The following CNTN5 variants were observed in gnomAD, a reference collection of about 807,000 sequenced individuals.
CNTN5 encodes contactin-5.
Under a neutral mutation model 129.1 loss-of-function variants are expected in CNTN5, and 77 were observed. The ratio of observed to expected loss-of-function variants is 0.60; its 90% confidence interval spans 0.50 to 0.72. CNTN5 has a LOEUF of 0.72. Ranked by LOEUF, CNTN5 falls within the 30% of genes least tolerant of loss-of-function variation. The pLI is 0.00. For synonymous variants in CNTN5, 509 were observed against 465.6 expected (o/e 1.09, Z -1.20); for missense variants, 1,478 against 1,328.8 (o/e 1.11, Z -1.75).
At chr11:99,140,284 GT>G in intron 1 of CNTN5, among the ~76,000 whole-genome samples, 1 of 152,120 alleles carries the variant, frequency 6.6e-6, no homozygotes. Context: ...TATCTTGGGG[GT>G]TTGGTGTACA....
chr11:99,131,556 G>A (rs1210607232), intron 1 of CNTN5, among the ~76,000 whole-genome samples: 5 of 151,968 alleles, frequency 3.3e-5, no homozygotes, highest in Non-Finnish European at 7.4e-5. Flanking sequence ...GATGAGAAAC[G>A]ATAAGGGAGA....
chr11:99,746,804 A>G (rs1294411417), intron 3 of CNTN5, among the ~76,000 whole-genome samples: 1 of 152,196 alleles, frequency 6.6e-6, no homozygotes, highest in Admixed American at 6.5e-5. Context: ...CTGTGTCGGT[A>G]CCATGATGTT....
chr11:99,754,937 G>A (rs144679152), intron 3 of CNTN5, among the ~76,000 whole-genome samples: 1 of 152,158 alleles, frequency 6.6e-6, no homozygotes, highest in Non-Finnish European at 1.5e-5. Flanking sequence ...CTGCCCCCAA[G>A]CCCTGGCAAT....
At chr11:99,322,798 TA>T (rs1397139040) in intron 1 of CNTN5, among the ~76,000 whole-genome samples, 1 of 152,108 alleles carries the variant, frequency 6.6e-6, no homozygotes, top group Non-Finnish European at 1.5e-5. Flanking sequence ...GTTATGATTG[TA>T]AAAAAGAAAA....
At chr11:100,065,241 T>C (rs190657979) in intron 10 of CNTN5, among the ~76,000 whole-genome samples, 1 of 152,152 alleles carries the variant, frequency 6.6e-6, no homozygotes, top group South Asian at 2.1e-4. Flanking sequence ...TGTTAATCGC[T>C]TCTATCGTCT....
At chr11:99,170,084 TTTTA>T (rs1218959155) in intron 1 of CNTN5, among the ~76,000 whole-genome samples, 1 of 152,148 alleles carries the variant, frequency 6.6e-6, no homozygotes, top group African/African-American at 2.4e-5. Context: ...ATATTTTATA[TTTTA>T]TTTGTTTATT....
intron 23 of CNTN5, among the ~76,000 whole-genome samples, chr11:100,346,611 T>A (rs1440128904): frequency 1.3e-5 from 2 of 152,016 alleles, no homozygotes; most frequent in Non-Finnish European, 2.9e-5. Flanking sequence ...AAACTATTAG[T>A]TTTCAAATCT....
intron 3 of CNTN5, among the ~76,000 whole-genome samples, chr11:99,715,506 G>C (rs1299864960): frequency 6.6e-6 from 1 of 151,606 alleles, no homozygotes; most frequent in South Asian, 2.1e-4. Context: ...TGTTTGCCAG[G>C]GGAATGAGAG....
At chr11:99,030,464 T>C (rs1301083679) in intron 1 of CNTN5, among the ~76,000 whole-genome samples, 3 of 152,208 alleles carry the variant, frequency 2.0e-5, no homozygotes. Flanking sequence ...TTTTATTTGC[T>C]CATTTTGACA....
chr11:99,466,758 T>G (rs916687245), intron 2 of CNTN5, among the ~76,000 whole-genome samples: 1 of 152,126 alleles, frequency 6.6e-6, no homozygotes, highest in Non-Finnish European at 1.5e-5. Context: ...CTTCAGCACA[T>G]CACCTCCAAA....
At chr11:99,551,675 T>C (rs1473308459) in intron 2 of CNTN5, among the ~76,000 whole-genome samples, 2 of 152,154 alleles carry the variant, frequency 1.3e-5, no homozygotes, top group African/African-American at 4.8e-5. Flanking sequence ...GCTACAGATC[T>C]AGCCTGTAAT....
intron 8 of CNTN5, among the ~76,000 whole-genome samples, chr11:99,974,108 A>G (rs1232584641): frequency 6.6e-6 from 1 of 152,358 alleles, no homozygotes; most frequent in Non-Finnish European, 1.5e-5. Flanking sequence ...AATGATTAAC[A>G]TTCTTCCTTT....
chr11:100,034,944 T>C (rs1293095261), intron 9 of CNTN5, among the ~76,000 whole-genome samples: 2 of 152,090 alleles, frequency 1.3e-5, no homozygotes, highest in Non-Finnish European at 2.9e-5. Context: ...GCAACAACCA[T>C]ACAAAACTTC....
intron 18 of CNTN5, among the ~76,000 whole-genome samples, chr11:100,284,744 T>G (rs948822559): frequency 8.5e-5 from 13 of 152,208 alleles, no homozygotes; most frequent in African/African-American, 3.1e-4. Flanking sequence ...CTCTGTAGTA[T>G]AAAATTTCAA....
chr11:99,478,678 T>C (rs1198804753), intron 2 of CNTN5, among the ~76,000 whole-genome samples: 3 of 152,098 alleles, frequency 2.0e-5, no homozygotes, highest in African/African-American at 7.2e-5. Context: ...TAAACCAAGA[T>C]AACATGTAAA....
chr11:99,108,226 C>G (rs1857612253), intron 1 of CNTN5, among the ~76,000 whole-genome samples: 1 of 152,088 alleles, frequency 6.6e-6, no homozygotes, highest in South Asian at 2.1e-4. Flanking sequence ...AAAAAGCAAA[C>G]TACTTCTAAA....
chr11:99,865,878 A>G (rs1307012872), intron 6 of CNTN5, among the ~76,000 whole-genome samples: 1 of 152,166 alleles, frequency 6.6e-6, no homozygotes, highest in Non-Finnish European at 1.5e-5. Flanking sequence ...TTGATGATTT[A>G]AGACACTAGC....
At chr11:100,095,026 C>G (rs1267440279) in intron 13 of CNTN5, among the ~76,000 whole-genome samples, 1 of 152,124 alleles carries the variant, frequency 6.6e-6, no homozygotes, top group Non-Finnish European at 1.5e-5. Flanking sequence ...AAAGCACTTT[C>G]ACTCCAGTGA....
At chr11:99,992,663 G>A (rs1436735334) in intron 8 of CNTN5, among the ~76,000 whole-genome samples, 2 of 152,184 alleles carry the variant, frequency 1.3e-5, no homozygotes, top group Non-Finnish European at 2.9e-5. Context: ...TTTTTCTGGT[G>A]TTTTGGCTCT....
Sources: gnomAD v4.1 joint callset for allele counts (sites outside exome capture counted in the v4.1 genomes callset) on GRCh38, gnomAD v4.1.1 for gene constraint, MANE v1.5 for transcripts, NCBI Gene and HGNC (gene_info 2026-07-23, HGNC 2026-07-21) for gene names.